The following TLK2 variants were observed in gnomAD, a reference collection of about 807,000 sequenced individuals.
TLK2 encodes tousled like kinase 2.
TLK2 carries 6 observed loss-of-function variants against 117.3 expected under a neutral mutation model. The ratio of observed to expected loss-of-function variants is 0.05; its 90% CI spans 0.03 to 0.10. The LOEUF (loss-of-function observed/expected upper bound fraction) is 0.10. Among genes scored for constraint, TLK2 ranks in the 10% least tolerant of loss-of-function variants. The probability of loss-of-function intolerance (pLI) is 1.00; values close to 1 mark genes in which losing one functional copy is unlikely to be tolerated. For synonymous variants in TLK2, 257 were observed against 316.7 expected, an observed-to-expected ratio of 0.81 and a Z score of 2.00; for missense variants, 299 against 901.2, an observed-to-expected ratio of 0.33 and a Z score of 8.56.
chr17:62,519,341 T>C (rs1335331818), intron 2 of TLK2, among the ~76,000 whole-genome samples: 6 of 152,228 alleles, frequency 3.9e-5, no homozygotes, highest in South Asian at 2.1e-4. Context: ...ACCACAATTA[T>C]GGATTTATTC....
upstream of TLK2, chr17:62,477,826 G>C (rs1186741043): frequency 6.6e-6 from 1 of 152,314 alleles, no homozygotes; most frequent in Non-Finnish European, 1.5e-5. Flanking sequence ...CCGCTAGATA[G>C]TTCTCATTCC....
At chr17:62,564,475 G>A (rs2079564922) in intron 10 of TLK2, among the ~76,000 whole-genome samples, 1 of 148,690 alleles carries the variant, frequency 6.7e-6, no homozygotes, top group Non-Finnish European at 1.5e-5. Flanking sequence ...GGTGGAGGTT[G>A]CAGTGAGCCG....
intron 7 of TLK2, among the ~76,000 whole-genome samples, chr17:62,539,613 G>A (rs1299973991): frequency 6.6e-6 from 1 of 151,908 alleles, no homozygotes; most frequent in East Asian, 1.9e-4. Context: ...CCAAGTAGCT[G>A]GGAGTACAGG....
At chr17:62,558,457 C>T (rs1457333167) in intron 9 of TLK2, among the ~76,000 whole-genome samples, 1 of 152,212 alleles carries the variant, frequency 6.6e-6, no homozygotes, top group African/African-American at 2.4e-5. Flanking sequence ...GCCACGCTCA[C>T]CAGCTGCCAG....
intron 9 of TLK2, among the ~76,000 whole-genome samples, chr17:62,558,361 C>T (rs1199345620): frequency 1.3e-5 from 2 of 152,018 alleles, no homozygotes; most frequent in Non-Finnish European, 2.9e-5. Context: ...TAAGGTTTTG[C>T]CATGTTGCCG....
intron 2 of TLK2, among the ~76,000 whole-genome samples, chr17:62,502,704 T>C (rs1465316746): frequency 6.6e-6 from 1 of 152,220 alleles, no homozygotes; most frequent in Non-Finnish European, 1.5e-5. Flanking sequence ...CAAGATCTAG[T>C]TGTATTTCTC....
At chr17:62,603,975 T>C (rs1285305407) in intron 19 of TLK2, among the ~76,000 whole-genome samples, 4 of 5,382 alleles carry the variant, frequency 7.4e-4, no homozygotes, top group Admixed American at 4.3e-3. Flanking sequence ...GAATACTTTA[T>C]TTATTTATTT....
chr17:62,563,338 G>C lies in TLK2; in HGVS notation c.832-1663G>C, dbSNP rs367799815. ...ACACACCTGTAGTCCTAGCTACTCAGGAGGCTGAGGTGGGAGGATCATTGG... is the reference window on the plus strand; with the variant it reads ...ACACACCTGTAGTCCTAGCTACTCACGAGGCTGAGGTGGGAGGATCATTGG... On this transcript the variant is annotated intron_variant, in intron 10 of 21. Coordinates refer to ENST00000346027, the MANE Select transcript of TLK2 (RefSeq NM_006852.6). Among the ~76,000 whole-genome samples, 6 of 152,332 alleles carry C rather than the reference G, an allele frequency of 3.9e-5. No individual in the cohort carries two copies. In the East Asian group the frequency reaches 5.8e-4, roughly 15 times the overall value.
At chr17:62,538,033 GTTTTTTTTTT>G (rs57512334) in intron 7 of TLK2, among the ~76,000 whole-genome samples, 1 of 106,164 alleles carries the variant, frequency 9.4e-6, no homozygotes, top group Non-Finnish European at 1.8e-5. Context: ...TTAAATCTTT[GTTTTTTTTTT>G]TTTTTTTTTT....
chr17:62,488,747 A>G lies in TLK2; in HGVS notation c.81+7541A>G, dbSNP rs191383797. The stretch of plus-strand genomic sequence containing the variant: ...TATTGGTTACCACAGAAATTACAAC[A>G]GATATTTTTAACTTATCAAAGGTTA... On this transcript the variant is annotated intron_variant, in intron 2 of 21. Transcript: ENST00000346027. Among the ~76,000 whole-genome samples, 23 of 151,876 alleles carry G rather than the reference A, an allele frequency of 1.5e-4. No individual in the cohort carries two copies. In the East Asian group the frequency reaches 4.3e-3, roughly 28 times the overall value.
intron 7 of TLK2, among the ~76,000 whole-genome samples, chr17:62,539,951 A>G (rs2077387306): frequency 6.6e-6 from 1 of 152,112 alleles, no homozygotes; most frequent in African/African-American, 2.4e-5. Context: ...TCTAACAAAC[A>G]TGTCAAATGT....
chr17:62,534,498 C>CT (rs1441879556), intron 6 of TLK2, among the ~76,000 whole-genome samples: 2 of 152,132 alleles, frequency 1.3e-5, no homozygotes, highest in African/African-American at 2.4e-5. Context: ...TTTGAATCTG[C>CT]TTTTCCTTCT....
At chr17:62,509,596 G>A (rs558855449) in intron 2 of TLK2, among the ~76,000 whole-genome samples, 4 of 152,332 alleles carry the variant, frequency 2.6e-5, no homozygotes, top group East Asian at 3.9e-4. Flanking sequence ...ACAAGTTCGT[G>A]TTTAAAAACT....
chr17:62,604,664 A>C lies in TLK2; in HGVS notation c.1860-1466A>C, dbSNP rs190088832. Among the ~76,000 whole-genome samples the C allele has an allele frequency of 2.5e-3, 380 of 152,058 alleles. 1 individual carries two copies. The highest frequency in any genetic ancestry group is 8.4e-3 in the African/African-American group (349 of 41,478). On this transcript the variant is annotated intron_variant, in intron 19 of 21. Coordinates refer to ENST00000346027, the MANE Select transcript of TLK2 (RefSeq NM_006852.6). ...GGTGGCTCATGCCTGTAATCCCAGC[A>C]CTTTGGGAGGCCAAGGCGGGCGGAT...
chr17:62,596,752 T>TCTG (rs1488477980), intron 17 of TLK2, 78 bp downstream of exon 17: 1 of 1,297,722 alleles, frequency 7.7e-7, no homozygotes, highest in Non-Finnish European at 1.1e-6. Context: ...AGAGCTGAAC[T>TCTG]CTGGGTCCAG....
rs2077108222 is a variant in TLK2 at position 62,536,303 on chromosome 17, A to T, written c.497A>T (p.Gln166Leu). ...KPRLDTEQLAQRGAGLCFTFV... is the reference protein window; with the variant it reads ...KPRLDTEQLALRGAGLCFTFV... Reference sequence around the variant, plus strand: ...CGGCTTGACACAGAGCAGCTGGCGCAAAGGGGAGCTGGCCTCTGCTTCACT... The same window carrying T: ...CGGCTTGACACAGAGCAGCTGGCGCTAAGGGGAGCTGGCCTCTGCTTCACT... The change falls in exon 7 of 22, where the codon CAA becomes CTA. Residue 166 changes from glutamine (Q) to leucine (L), a missense_variant. Gln to Leu is a moderately radical substitution (Grantham distance 113). Coordinates refer to ENST00000346027, the MANE Select transcript of TLK2 (RefSeq NM_006852.6). 3 of 1,613,170 alleles carry T rather than the reference A, an allele frequency of 1.9e-6. No homozygotes were observed. In the African/African-American group the frequency reaches 4.0e-5, roughly 22 times the overall value.
intron 18 of TLK2, among the ~76,000 whole-genome samples, chr17:62,601,193 T>G (rs753465785): frequency 2.6e-5 from 4 of 152,194 alleles, no homozygotes; most frequent in Non-Finnish European, 5.9e-5. Context: ...ATAACTTATT[T>G]TTACTTATAT....
At chr17:62,607,315 C>G (rs372781144) in intron 20 of TLK2, among the ~76,000 whole-genome samples, 6 of 149,488 alleles carry the variant, frequency 4.0e-5, no homozygotes, top group East Asian at 2.0e-4. Flanking sequence ...ATCAGGAGAT[C>G]GAGACCATCC....
chr17:62,565,651 C>CAAAAAAA (rs5821367), intron 11 of TLK2, among the ~76,000 whole-genome samples: 5 of 101,124 alleles, frequency 4.9e-5, no homozygotes, highest in African/African-American at 1.5e-4. Flanking sequence ...GACTCCATCT[C>CAAAAAAA]AAAAAAAAAA....
Sources: gnomAD v4.1 joint callset for allele counts (sites outside exome capture counted in the v4.1 genomes callset) on GRCh38, gnomAD v4.1.1 for gene constraint, MANE v1.5 for transcripts, NCBI Gene and HGNC (gene_info 2026-07-23, HGNC 2026-07-21) for gene names.